Variants in TSPAN15 observed in about 807,000 individuals in gnomAD.
The protein encoded by TSPAN15 is tetraspanin-15.
In TSPAN15, 20 loss-of-function variants were observed where a neutral mutation model predicts 34.5. That is an observed-to-expected ratio of 0.58 (90% CI 0.41 to 0.84). TSPAN15 has a LOEUF of 0.84. TSPAN15 is among the 40% of genes least tolerant of loss of function. TSPAN15 has a pLI of 0.00. For missense variants in TSPAN15, 313 were observed against 386.1 expected (o/e 0.81, Z 1.59); for synonymous variants, 155 against 153.9 (o/e 1.01, Z -0.05).
intron 1 of TSPAN15, among the ~76,000 whole-genome samples, chr10:69,469,078 G>A (rs577061895): frequency 1.3e-5 from 2 of 150,724 alleles, no homozygotes; most frequent in South Asian, 4.2e-4. Flanking sequence ...GTGGGGGTGG[G>A]GGTTGGGGCT....
chr10:69,513,348 T>G, the TSPAN15 span, among the ~76,000 whole-genome samples: 1 of 152,188 alleles, frequency 6.6e-6, no homozygotes, highest in South Asian at 2.1e-4. Flanking sequence ...TTTGAAAAAT[T>G]TCAGTCTGTA....
At chr10:69,511,315 G>A (rs535168127), downstream of TSPAN15, among the ~76,000 whole-genome samples, 1 of 152,304 alleles carries the variant, frequency 6.6e-6, no homozygotes, top group East Asian at 1.9e-4. Flanking sequence ...GGGGGTGTAT[G>A]TGTCCAGGAA....
chr10:69,539,442 G>A, the TSPAN15 span, among the ~76,000 whole-genome samples: 3 of 31,456 alleles, frequency 9.5e-5, no homozygotes, highest in Admixed American at 3.9e-4. Flanking sequence ...GAAGAAGAAG[G>A]AAGAAGAAGA....
At chr10:69,477,509 C>T (rs1841641959) in intron 1 of TSPAN15, among the ~76,000 whole-genome samples, 1 of 152,056 alleles carries the variant, frequency 6.6e-6, no homozygotes, top group African/African-American at 2.4e-5. Context: ...TTGTGCTGTC[C>T]AAAATGTGGC....
intron 3 of TSPAN15, among the ~76,000 whole-genome samples, chr10:69,485,905 A>G (rs1160245746): frequency 6.6e-6 from 1 of 151,936 alleles, no homozygotes; most frequent in Non-Finnish European, 1.5e-5. Flanking sequence ...CGGCTAGAGG[A>G]GTGAGGAGAG....
intron 3 of TSPAN15, 70 bp downstream of exon 3, chr10:69,485,285 G>T: frequency 7.4e-7 from 1 of 1,358,216 alleles, no homozygotes; most frequent in East Asian, 2.3e-5. Flanking sequence ...TGGGCTAACT[G>T]GGGGTATGGC....
At chr10:69,455,533 T>C (rs1324343100) in intron 1 of TSPAN15, among the ~76,000 whole-genome samples, 3 of 147,668 alleles carry the variant, frequency 2.0e-5, no homozygotes, top group African/African-American at 7.6e-5. Flanking sequence ...TCTTTCTTTC[T>C]CTTTCTTTCT....
At chr10:69,494,765 C>T (rs34187097) in intron 3 of TSPAN15, 123,166 of 985,248 alleles carry the variant, frequency 0.13, 7,869 homozygotes, top group African/African-American at 0.16. Context: ...ATGCCCCCTT[C>T]GTCCCCAGTC....
intron 5 of TSPAN15, among the ~76,000 whole-genome samples, chr10:69,503,518 C>T (rs1398922805): frequency 1.3e-5 from 2 of 152,180 alleles, no homozygotes; most frequent in African/African-American, 4.8e-5. Flanking sequence ...CTCTGCGTGC[C>T]AGTTCCTTAG....
At chr10:69,460,298 C>T (rs1841223874) in intron 1 of TSPAN15, among the ~76,000 whole-genome samples, 2 of 152,208 alleles carry the variant, frequency 1.3e-5, no homozygotes, top group African/African-American at 4.8e-5. Context: ...GCCAGGCAGG[C>T]CGTCTGAGAA....
chr10:69,507,428 C>A lies in TSPAN15; in HGVS notation c.*450C>A. The A allele has an allele frequency of 7.8e-7, 1 of 1,279,116 alleles. No individual in the cohort carries two copies. Among genetic ancestry groups the A allele is most frequent in the Non-Finnish European group, 1.0e-6 (1 of 980,822 alleles). 79.2% of individuals were successfully genotyped at this position (1,279,116 alleles called of 1,614,324 possible). ...CAGGAGGGAAGAGCTGTCCATGCAG[C>A]CACGCCCATGGCCAGGTTGGCCTCT... On this transcript the variant is annotated 3_prime_UTR_variant, in exon 8 of 8. Coordinates refer to ENST00000373290, the MANE Select transcript of TSPAN15 (RefSeq NM_012339.5).
rs1057379194 is a variant in TSPAN15 at position 69,507,293 on chromosome 10, C to T, written c.*315C>T. 1 of 1,290,530 alleles carries T rather than the reference C, an allele frequency of 7.7e-7. No individual in the cohort carries two copies. The highest frequency in any genetic ancestry group is 1.5e-5 in the African/African-American group (1 of 65,978). 79.9% of individuals were successfully genotyped at this position (1,290,530 alleles called of 1,614,324 possible). ...CTGAGGCTCTGCTCAGGGCCCATTT[C>T]ATCTCTGGCAGTGCCTTGGCGGTGG... On this transcript the variant is annotated 3_prime_UTR_variant, in exon 8 of 8. Coordinates refer to ENST00000373290, the MANE Select transcript of TSPAN15 (RefSeq NM_012339.5).
chr10:69,502,919 TC>T (rs1476704654), intron 5 of TSPAN15, among the ~76,000 whole-genome samples: 1 of 152,240 alleles, frequency 6.6e-6, no homozygotes, highest in African/African-American at 2.4e-5. Context: ...CAGTGTAAGT[TC>T]CATGAAGGCA....
chr10:69,486,093 G>A (rs1424418105), intron 3 of TSPAN15, among the ~76,000 whole-genome samples: 1 of 152,196 alleles, frequency 6.6e-6, no homozygotes, highest in Non-Finnish European at 1.5e-5. Context: ...TGGATTATTA[G>A]GGGACACCTA....
In TSPAN15 at chr10:69,506,296, G is replaced by C; in HGVS notation, c.735+56G>C. ...GACTTGGTGATTGCAGAAGGGCAGA[G>C]AAGGTGCAGAGGGGAAGAGCGAAGA... On this transcript the variant is annotated intron_variant, in intron 7 of 7. Coordinates refer to ENST00000373290, the MANE Select transcript of TSPAN15 (RefSeq NM_012339.5). The surrounding 1 kb of genome is among the most constrained non-coding windows in gnomAD (Gnocchi z 4.7). 6.5e-7 allele frequency: 1 copy of C among 1,541,376 alleles called. No individual in the cohort carries two copies. The highest frequency in any genetic ancestry group is 1.1e-5 in the South Asian group (1 of 89,302).
At chr10:69,466,543 C>T (rs957612802) in intron 1 of TSPAN15, among the ~76,000 whole-genome samples, 4 of 100,138 alleles carry the variant, frequency 4.0e-5, no homozygotes. Flanking sequence ...AGGTCAGGAC[C>T]GTATTTACTT....
chr10:69,456,378 T>C (rs34618077), intron 1 of TSPAN15, among the ~76,000 whole-genome samples: 17,581 of 152,266 alleles, frequency 0.12, 1,016 homozygotes, highest in African/African-American at 0.12. Flanking sequence ...TGAGTCACTG[T>C]GTCCAGCCTA....
At chr10:69,548,956 G>A in the TSPAN15 span, among the ~76,000 whole-genome samples, 1 of 122,542 alleles carries the variant, frequency 8.2e-6, no homozygotes, top group African/African-American at 2.6e-5. Context: ...GAAGGTTACT[G>A]TAGTCCCATT....
intron 1 of TSPAN15, among the ~76,000 whole-genome samples, chr10:69,472,182 G>T (rs74513649): frequency 0.13 from 20,233 of 151,892 alleles, 1,774 homozygotes; most frequent in Non-Finnish European, 0.18. Flanking sequence ...CTCCCTGTTC[G>T]CCTCCCCTTC....
Sources: allele counts gnomAD v4.1 joint callset (sites outside exome capture counted in the v4.1 genomes callset), GRCh38; gene constraint gnomAD v4.1.1; non-coding constraint Gnocchi (gnomAD v3.1); transcripts MANE v1.5; gene names NCBI Gene and HGNC (gene_info 2026-07-23, HGNC 2026-07-21).